SLX9: variants seen among roughly 807,000 people sequenced by gnomAD.
The protein encoded by SLX9 is SLX9 ribosome biogenesis factor.
In SLX9, 19 loss-of-function variants were observed where a neutral mutation model predicts 20.8. The ratio of observed to expected loss-of-function variants is 0.91; its 90% CI spans 0.64 to 1.34. SLX9 has a LOEUF of 1.34. Among genes scored for constraint, SLX9 ranks in the 40% most tolerant of loss-of-function variants. The pLI is 0.00. For synonymous variants in SLX9, 113 were observed against 137.1 expected (o/e 0.82, Z 1.23); for missense variants, 299 against 322.2 (o/e 0.93, Z 0.55).
chr21:44,954,957 C>T (rs1362394470), intron 2 of SLX9, among the ~76,000 whole-genome samples: 2 of 152,152 alleles, frequency 1.3e-5, no homozygotes, highest in Admixed American at 1.3e-4. Flanking sequence ...CTCACACCTG[C>T]AGTCCCAGCA....
intron 4 of SLX9, chr21:44,972,928 C>T (rs1374087014): frequency 1.9e-4 from 7 of 36,828 alleles, no homozygotes; most frequent in South Asian, 9.9e-4. Flanking sequence ...AGATTCCACA[C>T]GGAGCAGCTT....
At chr21:44,952,641 G>A (rs2084780000) in intron 2 of SLX9, among the ~76,000 whole-genome samples, 1 of 152,260 alleles carries the variant, frequency 6.6e-6, no homozygotes, top group African/African-American at 2.4e-5. Context: ...TCTTTTGGCT[G>A]GGTGGACAGT....
At chr21:44,948,721 G>A (rs2084697367) in intron 2 of SLX9, among the ~76,000 whole-genome samples, 1 of 152,182 alleles carries the variant, frequency 6.6e-6, no homozygotes, top group Admixed American at 6.5e-5. Context: ...GATTTTGGGG[G>A]TGTTGCTTTT....
At chr21:44,953,290 G>T (rs1341083971) in intron 2 of SLX9, among the ~76,000 whole-genome samples, 1 of 152,214 alleles carries the variant, frequency 6.6e-6, no homozygotes, top group African/African-American at 2.4e-5. Flanking sequence ...ATGTGTGCTT[G>T]TCTGAGGTGT....
At chr21:44,964,782 G>T (rs1391009630) in intron 3 of SLX9, among the ~76,000 whole-genome samples, 1 of 152,226 alleles carries the variant, frequency 6.6e-6, no homozygotes, top group Non-Finnish European at 1.5e-5. Context: ...TCTATGAGGT[G>T]CAACATTTCC....
At chr21:44,953,575 C>T (rs927843666) in intron 2 of SLX9, among the ~76,000 whole-genome samples, 2 of 152,190 alleles carry the variant, frequency 1.3e-5, no homozygotes, top group Non-Finnish European at 2.9e-5. Flanking sequence ...ATCCGGGCCT[C>T]GGGAGCCTGT....
rs1006287702 is a variant in SLX9 at position 44,952,193 on chromosome 21, T to G, written c.284-7907T>G. Among the ~76,000 whole-genome samples, 3 of 152,234 alleles carry G rather than the reference T, an allele frequency of 2.0e-5. 1 individual carries two copies. The highest frequency in any genetic ancestry group is 7.2e-5 in the African/African-American group (3 of 41,458). ...CTGGCTCCTGTTCACTCAGGTTCAC[T>G]CAGGCCTTTGTGGGCCGTGCAAGTC... On this transcript the variant is annotated intron_variant, in intron 2 of 5. Coordinates refer to ENST00000291634, the MANE Select transcript of SLX9 (RefSeq NM_058190.4).
intron 5 of SLX9, among the ~76,000 whole-genome samples, chr21:44,974,500 A>G (rs1365247692): frequency 6.6e-6 from 1 of 152,066 alleles, no homozygotes; most frequent in African/African-American, 2.4e-5. Flanking sequence ...TACTCTAGAC[A>G]CTTTGTAGGG....
intron 4 of SLX9, among the ~76,000 whole-genome samples, chr21:44,972,510 C>G (rs1028896763): frequency 6.6e-6 from 1 of 152,196 alleles, no homozygotes; most frequent in Non-Finnish European, 1.5e-5. Flanking sequence ...CTCAGGAAAC[C>G]TCCTCAGTTC....
At chr21:44,971,605 T>C (rs1287864603) in intron 4 of SLX9, among the ~76,000 whole-genome samples, 1 of 152,106 alleles carries the variant, frequency 6.6e-6, no homozygotes, top group Non-Finnish European at 1.5e-5. Flanking sequence ...GCCCGAGGTT[T>C]CCCCAACCAG....
upstream of SLX9, chr21:44,939,909 G>T (rs1321242872): frequency 6.4e-6 from 5 of 777,604 alleles, no homozygotes; most frequent in Non-Finnish European, 9.4e-6. Context: ...CCCTACACCC[G>T]CGACCCTGCG....
chr21:44,965,359 G>C (rs940077758), intron 3 of SLX9, among the ~76,000 whole-genome samples: 3 of 152,058 alleles, frequency 2.0e-5, no homozygotes, highest in African/African-American at 7.2e-5. Context: ...CCACTGCCTC[G>C]CTCCCTCCCT....
At chr21:44,959,139 G>A (rs573348619) in intron 2 of SLX9, 31 of 900,708 alleles carry the variant, frequency 3.4e-5, no homozygotes, top group East Asian at 1.2e-4. Context: ...GTTTCACACC[G>A]GCTCCTGAAG....
At chr21:44,968,134 T>C (rs1014422248) in intron 4 of SLX9, among the ~76,000 whole-genome samples, 6 of 151,628 alleles carry the variant, frequency 4.0e-5, no homozygotes, top group Non-Finnish European at 8.8e-5. Flanking sequence ...GTCCCGAGCA[T>C]GAGCCCTCCT....
rs753491032 is a variant in SLX9, at chr21:44,960,136, A to G, written c.320A>G (p.Lys107Arg). 6.2e-7 allele frequency: 1 copy of G among 1,614,246 alleles called. No homozygotes were observed. Among genetic ancestry groups the G allele is most frequent in the Non-Finnish European group, 8.5e-7 (1 of 1,180,034 alleles). The change falls in exon 3 of 6, where the codon AAA becomes AGA. Residue 107 changes from lysine to arginine, a missense_variant. Physicochemically the swap from Lys to Arg is conservative, Grantham distance 26. Transcript: ENST00000291634. ...AAGACCGTTTTGCCCAAGAAGGAGA[A>G]AATGAAGCTGAGGCGTGAGCAATGG... ...EAKTVLPKKE[K>R]MKLRREQWLQ... is the part of the protein sequence containing the mutation.
chr21:44,952,500 G>A (rs2084776733), intron 2 of SLX9, among the ~76,000 whole-genome samples: 2 of 152,250 alleles, frequency 1.3e-5, no homozygotes, highest in Admixed American at 6.5e-5. Context: ...TGGCCCCAGG[G>A]CCCTCCTTCT....
chr21:44,940,820 C>T (rs1208921953), intron 1 of SLX9, among the ~76,000 whole-genome samples: 4 of 152,034 alleles, frequency 2.6e-5, no homozygotes, highest in Non-Finnish European at 4.4e-5. Flanking sequence ...GCCATTATTT[C>T]CTTGAATATT....
chr21:44,948,393 C>T (rs1202128158), intron 2 of SLX9, among the ~76,000 whole-genome samples: 4 of 149,278 alleles, frequency 2.7e-5, no homozygotes, highest in Non-Finnish European at 4.5e-5. Flanking sequence ...CAGCATCGGG[C>T]GGTCCGGGGA....
At chr21:44,951,602 G>A (rs58977945) in intron 2 of SLX9, among the ~76,000 whole-genome samples, 11,554 of 152,238 alleles carry the variant, frequency 0.076, 1,468 homozygotes, top group African/African-American at 0.26. Context: ...AAAGCAGCGC[G>A]TATGCACACA....
Sources: allele counts gnomAD v4.1 joint callset (sites outside exome capture counted in the v4.1 genomes callset), GRCh38; gene constraint gnomAD v4.1.1; transcripts MANE v1.5; gene names NCBI Gene and HGNC (gene_info 2026-07-23, HGNC 2026-07-21).